BACH2: variants seen among roughly 807,000 people sequenced by gnomAD.
BACH2 encodes the protein transcription regulator protein BACH2.
BACH2 carries 5 observed loss-of-function variants against 61.8 expected under a neutral mutation model. The observed-to-expected ratio is 0.08, with a 90% CI of 0.04 to 0.17. The LOEUF (loss-of-function observed/expected upper bound fraction) is 0.17, where lower values mean the gene tolerates loss of function less well. BACH2 is among the 10% of genes least tolerant of loss of function. The pLI, the probability that BACH2 is intolerant of heterozygous loss-of-function variation, is 1.00. For synonymous variants in BACH2, 446 were observed against 440.1 expected (o/e 1.01, Z -0.17); for missense variants, 824 against 1,091.1 (o/e 0.76, Z 3.45).
chr6:89,987,711 T>C (rs1776318820), intron 6 of BACH2, among the ~76,000 whole-genome samples: 1 of 152,106 alleles, frequency 6.6e-6, no homozygotes, highest in Non-Finnish European at 1.5e-5. Flanking sequence ...TCCCCATTGT[T>C]GCATGTGTTC....
intron 5 of BACH2, among the ~76,000 whole-genome samples, chr6:90,087,723 G>A (rs1440043231): frequency 7.2e-6 from 1 of 138,036 alleles, no homozygotes; most frequent in African/African-American, 2.5e-5. Flanking sequence ...CTTCCCATGT[G>A]TGTGTTTTTT....
At chr6:90,255,050 T>C (rs148112063) in intron 2 of BACH2, among the ~76,000 whole-genome samples, 35 of 152,332 alleles carry the variant, frequency 2.3e-4, no homozygotes, top group African/African-American at 6.7e-4. Flanking sequence ...AGAGCCCTAA[T>C]AGAGATCCCC....
chr6:90,275,053 C>T (rs1162485831), intron 1 of BACH2, among the ~76,000 whole-genome samples: 1 of 152,132 alleles, frequency 6.6e-6, no homozygotes, highest in Middle Eastern at 3.2e-3. Context: ...GCCCCGTGAC[C>T]CCACATTGTC....
At chr6:90,055,336 C>G (rs1463290047) in intron 5 of BACH2, among the ~76,000 whole-genome samples, 1 of 152,110 alleles carries the variant, frequency 6.6e-6, no homozygotes, top group Non-Finnish European at 1.5e-5. Flanking sequence ...GCAGAAGCCT[C>G]AGTAGCCGAT....
At chr6:90,113,289 C>A (rs1317910441) in intron 4 of BACH2, among the ~76,000 whole-genome samples, 6 of 152,172 alleles carry the variant, frequency 3.9e-5, no homozygotes, top group African/African-American at 1.4e-4. Context: ...CACCCCGAAA[C>A]AACAGAATAT....
rs1415615289 is a variant in BACH2, at chr6:90,040,043, G to A, written c.-12-31187C>T. ...TTGTCACTTTTTTTTTTTTTTGGCC[G>A]TGGTTTATGGTGGTATTTGCTGCTC... On this transcript the variant is annotated intron_variant, in intron 5 of 8. Transcript: ENST00000257749. Among the ~76,000 whole-genome samples, 5 of 144,074 alleles carry A rather than the reference G, an allele frequency of 3.5e-5. No homozygotes were observed. In the South Asian group the frequency reaches 6.6e-4, roughly 19 times the overall value. The allele number at this position is 144,074 out of a possible 152,430, so 94.5% of individuals were successfully genotyped here. A position where few individuals can be genotyped will look rare whatever the true frequency, so the allele number is the denominator to read the frequency against.
chr6:90,030,972 C>T (rs1035776235), intron 5 of BACH2, among the ~76,000 whole-genome samples: 1 of 118,626 alleles, frequency 8.4e-6, no homozygotes, highest in African/African-American at 4.2e-5. Context: ...ACTGGCAAAA[C>T]AAATCCAGCA....
intron 3 of BACH2, among the ~76,000 whole-genome samples, chr6:90,223,315 C>G (rs1435526633): frequency 2.0e-5 from 3 of 152,058 alleles, no homozygotes; most frequent in Admixed American, 2.0e-4. Flanking sequence ...GTGTAGGAGA[C>G]AAAACAAATT....
At chr6:90,287,033 C>G (rs2127889948) in intron 1 of BACH2, among the ~76,000 whole-genome samples, 1 of 152,284 alleles carries the variant, frequency 6.6e-6, no homozygotes, top group Non-Finnish European at 1.5e-5. Flanking sequence ...TCATACCCAG[C>G]TCTGGAGGTG....
chr6:90,271,387 AAAG>A (rs1218928825), intron 2 of BACH2, among the ~76,000 whole-genome samples: 1 of 151,192 alleles, frequency 6.6e-6, no homozygotes, highest in African/African-American at 2.4e-5. Context: ...AAAAAAGAAA[AAAG>A]AAAAAAGAAA....
rs1259690147 is a variant in BACH2 at position 90,008,137 on chromosome 6, GAAT to G, written c.243+462_243+464del. On this transcript the variant is annotated intron_variant, in intron 6 of 8. Transcript: ENST00000257749. The surrounding 1 kb of genome is among the most constrained non-coding windows in gnomAD (Gnocchi z 4.1). ...GAGAAAAGCAAGTTTACACTTCTTA[GAAT>G]CTTACTGAATTAATGGTGAAAATTA... is the stretch of plus-strand genomic sequence containing the variant. 13 of 174,216 alleles carry G rather than the reference GAAT, an allele frequency of 7.5e-5. No individual in the cohort carries two copies. Among genetic ancestry groups the G allele is most frequent in the African/African-American group, 2.9e-4 (12 of 41,802 alleles). 10.8% of individuals were successfully genotyped at this position (174,216 alleles called of 1,614,324 possible). A position where few individuals can be genotyped will look rare whatever the true frequency, so the allele number is the denominator to read the frequency against.
chr6:90,103,304 G>C (rs910602893), intron 4 of BACH2, among the ~76,000 whole-genome samples: 2 of 152,074 alleles, frequency 1.3e-5, no homozygotes, highest in East Asian at 3.9e-4. Flanking sequence ...AGGAGCTGCT[G>C]TGTGGAAGAC....
chr6:90,187,504 T>A (rs1174375877), intron 4 of BACH2, among the ~76,000 whole-genome samples: 5 of 152,120 alleles, frequency 3.3e-5, no homozygotes, highest in Non-Finnish European at 7.4e-5. Flanking sequence ...TTTGGTAGGG[T>A]CTTCTCTGCA....
chr6:90,190,938 G>A (rs2127844630), intron 4 of BACH2, among the ~76,000 whole-genome samples: 1 of 152,328 alleles, frequency 6.6e-6, no homozygotes, highest in South Asian at 2.1e-4. Context: ...TAAACTGGAT[G>A]AAACTGAAAA....
chr6:90,271,392 AAAAAGAAAGG>A (rs1771517449), intron 2 of BACH2, among the ~76,000 whole-genome samples: 1 of 151,296 alleles, frequency 6.6e-6, no homozygotes, highest in Admixed American at 6.6e-5. Context: ...AGAAAAAAGA[AAAAAGAAAGG>A]AAAAGAAAAA....
chr6:90,119,551 T>C (rs1359615281), intron 4 of BACH2, among the ~76,000 whole-genome samples: 2 of 152,172 alleles, frequency 1.3e-5, no homozygotes, highest in African/African-American at 2.4e-5. Flanking sequence ...ATATACAGAA[T>C]AGCTGAACAG....
chr6:90,183,049 C>A (rs1173837817), intron 4 of BACH2, among the ~76,000 whole-genome samples: 3 of 152,102 alleles, frequency 2.0e-5, no homozygotes, highest in Non-Finnish European at 2.9e-5. Flanking sequence ...AGGGAAAATC[C>A]TCTCACTCCC....
At chr6:89,999,636 A>G (rs934594275) in intron 6 of BACH2, among the ~76,000 whole-genome samples, 8 of 152,322 alleles carry the variant, frequency 5.3e-5, no homozygotes, top group Admixed American at 1.3e-4. Flanking sequence ...TGATCAAGTG[A>G]GGAACTTTAT....
intron 4 of BACH2, among the ~76,000 whole-genome samples, chr6:90,191,531 C>T (rs1010354942): frequency 6.6e-6 from 1 of 152,176 alleles, no homozygotes; most frequent in Non-Finnish European, 1.5e-5. Context: ...AACAAATACG[C>T]TTAGGACATT....
Sources: gnomAD v4.1 joint callset for allele counts (sites outside exome capture counted in the v4.1 genomes callset) on GRCh38, gnomAD v4.1.1 for gene constraint, Gnocchi (gnomAD v3.1) non-coding constraint, MANE v1.5 for transcripts, NCBI Gene and HGNC (gene_info 2026-07-23, HGNC 2026-07-21) for gene names.